The following NACC2 variants were observed in gnomAD, a reference collection of about 807,000 sequenced individuals.
NACC2 encodes nucleus accumbens-associated protein 2.
Under a neutral mutation model 25.1 loss-of-function variants are expected in NACC2, and 8 were observed. That is an observed-to-expected ratio of 0.32 (90% CI 0.19 to 0.57). The LOEUF is 0.57. Among genes scored for constraint, NACC2 ranks in the 20% least tolerant of loss-of-function variants. The pLI, the probability that NACC2 is intolerant of heterozygous loss-of-function variation, is 0.89. For missense variants in NACC2, 644 were observed against 650.2 expected, an observed-to-expected ratio of 0.99 and a Z score of 0.10; for synonymous variants, 435 against 294.7, an observed-to-expected ratio of 1.48 and a Z score of -4.88.
chr9:136,083,781 G>C (rs903085264), intron 1 of NACC2, among the ~76,000 whole-genome samples: 1 of 152,246 alleles, frequency 6.6e-6, no homozygotes, highest in African/African-American at 2.4e-5. Flanking sequence ...CCACCTGTTA[G>C]TGGTGGCACG....
At chr9:136,050,838 G>A (rs1041068531) in intron 1 of NACC2, among the ~76,000 whole-genome samples, 4 of 152,114 alleles carry the variant, frequency 2.6e-5, no homozygotes, top group Non-Finnish European at 5.9e-5. Flanking sequence ...GTGCGCCCAC[G>A]CCACTCCCAG....
chr9:136,028,051 G>C (rs1416510859), intron 2 of NACC2, among the ~76,000 whole-genome samples: 6 of 152,090 alleles, frequency 3.9e-5, no homozygotes, highest in Admixed American at 6.5e-5. Flanking sequence ...CTTGAGGTCA[G>C]AAGTTCGAGA....
At chr9:136,083,835 C>A (rs1455076487) in intron 1 of NACC2, among the ~76,000 whole-genome samples, 1 of 152,216 alleles carries the variant, frequency 6.6e-6, no homozygotes, top group East Asian at 1.9e-4. Context: ...GCTGAGGGGA[C>A]CCCCGGCCTG....
At chr9:136,039,425 TCAA>T (rs1301309208) in intron 2 of NACC2, among the ~76,000 whole-genome samples, 1 of 152,056 alleles carries the variant, frequency 6.6e-6, no homozygotes, top group African/African-American at 2.4e-5. Flanking sequence ...ATCAAACACT[TCAA>T]CAACATCAAG....
chr9:136,052,601 G>A (rs1221822069), intron 1 of NACC2, among the ~76,000 whole-genome samples: 1 of 152,172 alleles, frequency 6.6e-6, no homozygotes, highest in Non-Finnish European at 1.5e-5. Context: ...CCAGGCGGCA[G>A]GCCCGGGAGT....
intron 2 of NACC2, among the ~76,000 whole-genome samples, chr9:136,046,293 T>G (rs1840723514): frequency 6.6e-6 from 1 of 152,184 alleles, no homozygotes; most frequent in African/African-American, 2.4e-5. Flanking sequence ...CCTCACCCTC[T>G]GGGAGGTTTC....
intron 1 of NACC2, among the ~76,000 whole-genome samples, chr9:136,094,022 G>C (rs896246630): frequency 1.3e-5 from 2 of 152,264 alleles, no homozygotes; most frequent in African/African-American, 4.8e-5. Flanking sequence ...TCTGGCAGGA[G>C]AGTGCGGCCG....
intron 1 of NACC2, among the ~76,000 whole-genome samples, chr9:136,059,656 C>T (rs1840980564): frequency 1.3e-5 from 2 of 152,240 alleles, no homozygotes; most frequent in Non-Finnish European, 2.9e-5. Context: ...GGACTTCCAG[C>T]CGGCCACGGG....
Position 136,018,691 on chromosome 9 carries a change from G to C in NACC2, c.887-2262C>G, listed in dbSNP as rs960979938. 6.6e-6 allele frequency among the ~76,000 whole-genome samples: 1 copy of C among 152,022 alleles called. No homozygotes were observed. Among genetic ancestry groups the C allele is most frequent in the Non-Finnish European group, 1.5e-5 (1 of 67,996 alleles). On this transcript the variant is annotated intron_variant, in intron 2 of 5. Transcript: ENST00000277554. This position sits in a 1 kb window ranked among gnomAD's most constrained non-coding sequence, Gnocchi z 4.4. ...ACAGCCCCTGCCCGGCCACTACAGG[G>C]GTCAGGCAGCATTTCCCGGTGGGGC...
chr9:136,013,371 A>G lies in NACC2; in HGVS notation c.1158-75T>C. The G allele has an allele frequency of 1.4e-6, 2 of 1,381,594 alleles. No individual in the cohort carries two copies. Among genetic ancestry groups the G allele is most frequent in the Non-Finnish European group, 2.0e-6 (2 of 988,702 alleles). 85.6% of individuals were successfully genotyped at this position (1,381,594 alleles called of 1,614,324 possible). A position where few individuals can be genotyped will look rare whatever the true frequency, so the allele number is the denominator to read the frequency against. On this transcript the variant is annotated intron_variant, in intron 4 of 5. Transcript: ENST00000277554. This position sits in a 1 kb window ranked among gnomAD's most constrained non-coding sequence, Gnocchi z 6.6. ...ACCTGGAGGCGACCCGCCCGCACGA[A>G]TGCCCTGCTGGGAGGCCACTTGGCC...
At chr9:136,038,070 CAA>C (rs1840580111) in intron 2 of NACC2, among the ~76,000 whole-genome samples, 1 of 152,086 alleles carries the variant, frequency 6.6e-6, no homozygotes, top group South Asian at 2.1e-4. Flanking sequence ...TATTCAGATC[CAA>C]GAGGCCACAT....
chr9:136,044,604 G>A (rs903989941), intron 2 of NACC2, among the ~76,000 whole-genome samples: 12 of 152,278 alleles, frequency 7.9e-5, no homozygotes, highest in African/African-American at 1.2e-4. Context: ...CAGTGCGGAC[G>A]CCCCCGTCCC....
rs969262425 is a variant in NACC2 at position 136,044,532 on chromosome 9, C to T, written c.886+5104G>A. Among the ~76,000 whole-genome samples, 140 of 152,268 alleles carry T rather than the reference C, an allele frequency of 9.2e-4. 2 individuals carry two copies. Among genetic ancestry groups the T allele is most frequent in the Admixed American group, 1.7e-3 (26 of 15,290 alleles). On this transcript the variant is annotated intron_variant, in intron 2 of 5. Coordinates refer to ENST00000277554, the MANE Select transcript of NACC2 (RefSeq NM_144653.5). Reference sequence around the variant, plus strand: ...GCTTGGGGCCTCCTCTTGGGCCCCACCCTATCCAGGCCAGAGATGAAGGCA... The same window carrying T: ...GCTTGGGGCCTCCTCTTGGGCCCCATCCTATCCAGGCCAGAGATGAAGGCA...
intron 2 of NACC2, among the ~76,000 whole-genome samples, chr9:136,049,313 C>T (rs895332455): frequency 6.6e-6 from 1 of 152,190 alleles, no homozygotes; most frequent in African/African-American, 2.4e-5. Context: ...TCCCGTACAC[C>T]GCGTGGCGCC....
intron 1 of NACC2, among the ~76,000 whole-genome samples, chr9:136,064,954 G>C (rs1455588131): frequency 6.6e-6 from 1 of 152,214 alleles, no homozygotes; most frequent in Non-Finnish European, 1.5e-5. Flanking sequence ...ATTCAATGGG[G>C]AAAGAACAGT....
chr9:136,066,909 T>A lies in NACC2; in HGVS notation c.-59-16329A>T, dbSNP rs191885649. On this transcript the variant is annotated intron_variant, in intron 1 of 5. Transcript: ENST00000277554. ...AGAGGGCACATATTATGAGATTCCA[T>A]TTATATAAAATGTCCAGAACAGATC... Among the ~76,000 whole-genome samples, 336 of 151,280 alleles carry A rather than the reference T, an allele frequency of 2.2e-3. 1 individual carries two copies. Among genetic ancestry groups the A allele is most frequent in the African/African-American group, 7.8e-3 (319 of 41,102 alleles).
intron 2 of NACC2, 113 bp downstream of exon 2, chr9:136,049,523 G>C: frequency 1.6e-6 from 1 of 618,634 alleles, no homozygotes; most frequent in South Asian, 1.8e-5. Context: ...CTTGGTGGGG[G>C]GCTCCCCTGT....
intron 1 of NACC2, among the ~76,000 whole-genome samples, chr9:136,071,775 T>A (rs1451292146): frequency 6.6e-6 from 1 of 152,058 alleles, no homozygotes; most frequent in African/African-American, 2.4e-5. Context: ...GAACAGAATT[T>A]AAAAAACCCA....
intron 2 of NACC2, among the ~76,000 whole-genome samples, chr9:136,040,141 T>C: frequency 6.6e-6 from 1 of 151,962 alleles, no homozygotes; most frequent in Non-Finnish European, 1.5e-5. Context: ...GTCAGGGGAT[T>C]GAGACCATCC....
Sources: allele counts gnomAD v4.1 joint callset (sites outside exome capture counted in the v4.1 genomes callset), GRCh38; gene constraint gnomAD v4.1.1; non-coding constraint Gnocchi (gnomAD v3.1); transcripts MANE v1.5; gene names NCBI Gene and HGNC (gene_info 2026-07-23, HGNC 2026-07-21).